MAST4: variants seen among roughly 807,000 people sequenced by gnomAD.
MAST4 encodes the protein microtubule associated serine/threonine kinase family member 4.
MAST4 carries 89 observed loss-of-function variants against 162.7 expected under a neutral mutation model. That is an observed-to-expected ratio of 0.55 (90% CI 0.46 to 0.65). The LOEUF (loss-of-function observed/expected upper bound fraction) is 0.65. MAST4 is among the 30% of genes least tolerant of loss of function. MAST4 has a pLI of 0.00. For synonymous variants in MAST4, 1,479 were observed against 1,361.1 expected (o/e 1.09, Z -1.91); for missense variants, 3,153 against 3,374.0 (o/e 0.93, Z 1.62).
At chr5:67,080,940 T>C (rs1762522059) in intron 5 of MAST4, among the ~76,000 whole-genome samples, 1 of 139,644 alleles carries the variant, frequency 7.2e-6, no homozygotes, top group Admixed American at 7.8e-5. Flanking sequence ...TAATTATATA[T>C]ATTATATAAT....
intron 1 of MAST4, among the ~76,000 whole-genome samples, chr5:66,631,143 G>A (rs1744766168): frequency 6.6e-6 from 1 of 152,112 alleles, no homozygotes; most frequent in South Asian, 2.1e-4. Flanking sequence ...TAGTATTGTG[G>A]GCTAGTTAGA....
At chr5:67,092,877 C>T (rs1261641262) in intron 6 of MAST4, among the ~76,000 whole-genome samples, 1 of 152,144 alleles carries the variant, frequency 6.6e-6, no homozygotes, top group East Asian at 1.9e-4. Context: ...TTTCCTGCTC[C>T]CTTTCTGTTT....
chr5:66,712,202 G>T (rs948014126), intron 1 of MAST4, among the ~76,000 whole-genome samples: 4 of 152,156 alleles, frequency 2.6e-5, no homozygotes, highest in African/African-American at 9.7e-5. Flanking sequence ...CACTTATGTG[G>T]TATGTATATA....
chr5:66,693,278 TAC>T (rs1443782781), intron 1 of MAST4, among the ~76,000 whole-genome samples: 2 of 152,220 alleles, frequency 1.3e-5, no homozygotes, highest in Non-Finnish European at 2.9e-5. Flanking sequence ...CTGTGTTTGA[TAC>T]AGTTTTACAG....
chr5:66,710,662 G>T (rs1750438308), intron 1 of MAST4, among the ~76,000 whole-genome samples: 1 of 152,108 alleles, frequency 6.6e-6, no homozygotes, highest in Admixed American at 6.5e-5. Flanking sequence ...AGCATTGGTT[G>T]GTTGGTTTGC....
intron 1 of MAST4, among the ~76,000 whole-genome samples, chr5:66,647,041 G>T (rs1261277322): frequency 1.3e-5 from 2 of 151,978 alleles, no homozygotes; most frequent in Non-Finnish European, 2.9e-5. Flanking sequence ...ACATCCATTG[G>T]TTTTCCTAGC....
intron 1 of MAST4, among the ~76,000 whole-genome samples, chr5:66,621,073 A>T (rs1266287047): frequency 6.6e-6 from 1 of 152,148 alleles, no homozygotes; most frequent in Non-Finnish European, 1.5e-5. Flanking sequence ...GAAGAGAGAT[A>T]TAAATGAAGA....
At chr5:67,022,680 C>A (rs1024784607) in intron 4 of MAST4, among the ~76,000 whole-genome samples, 1 of 152,100 alleles carries the variant, frequency 6.6e-6, no homozygotes, top group Non-Finnish European at 1.5e-5. Flanking sequence ...GTTTACTTTT[C>A]CCCTTTAACA....
intron 1 of MAST4, among the ~76,000 whole-genome samples, chr5:66,692,701 G>A (rs932817667): frequency 1.5e-4 from 23 of 151,982 alleles, no homozygotes; most frequent in African/African-American, 3.6e-4. Context: ...TTCCCTTACC[G>A]TTCTGCAATC....
At chr5:66,668,770 C>G (rs1312633019) in intron 1 of MAST4, among the ~76,000 whole-genome samples, 1 of 152,144 alleles carries the variant, frequency 6.6e-6, no homozygotes, top group Non-Finnish European at 1.5e-5. Context: ...GAGAACTGTC[C>G]ATGTTTGTGA....
chr5:66,817,236 G>T (rs55929615), intron 3 of MAST4, among the ~76,000 whole-genome samples: 38,179 of 151,982 alleles, frequency 0.25, 5,808 homozygotes, highest in Non-Finnish European at 0.35. Flanking sequence ...TGAATCAAGG[G>T]GATAAAACAA....
chr5:66,617,475 A>T (rs79274750), intron 1 of MAST4, among the ~76,000 whole-genome samples: 17,186 of 141,512 alleles, frequency 0.12, 1,233 homozygotes, highest in Non-Finnish European at 0.16. Flanking sequence ...GAGAAGGGTT[A>T]TTTTTTTTTT....
chr5:66,914,709 G>A (rs1763991665), intron 4 of MAST4, among the ~76,000 whole-genome samples: 1 of 152,146 alleles, frequency 6.6e-6, no homozygotes, highest in Non-Finnish European at 1.5e-5. Flanking sequence ...TTATACACTT[G>A]AACTGATTGC....
At chr5:66,927,627 A>G (rs1483956887) in intron 4 of MAST4, among the ~76,000 whole-genome samples, 1 of 152,182 alleles carries the variant, frequency 6.6e-6, no homozygotes, top group Non-Finnish European at 1.5e-5. Flanking sequence ...GGAGACAGAG[A>G]GTAGGCAGAG....
At chr5:67,051,567 A>G (rs1014828329) in intron 4 of MAST4, among the ~76,000 whole-genome samples, 2 of 152,118 alleles carry the variant, frequency 1.3e-5, no homozygotes, top group African/African-American at 4.8e-5. Context: ...GAGTAATAAG[A>G]TTAGGTGACT....
intron 1 of MAST4, among the ~76,000 whole-genome samples, chr5:66,632,798 A>G (rs565653451): frequency 2.0e-5 from 3 of 152,318 alleles, no homozygotes; most frequent in African/African-American, 7.2e-5. Flanking sequence ...GTTGATAAGT[A>G]TGAAATGAAG....
chr5:67,057,855 A>C (rs1274860575), intron 5 of MAST4, among the ~76,000 whole-genome samples: 3 of 152,116 alleles, frequency 2.0e-5, no homozygotes, highest in Non-Finnish European at 4.4e-5. Context: ...TGAATGCACC[A>C]ATAGAAAAAT....
At chr5:66,597,135 C>A in intron 1 of MAST4, 117 bp downstream of exon 1, 1 of 1,214,994 alleles carries the variant, frequency 8.2e-7, no homozygotes. Flanking sequence ...AGGGAGGGAC[C>A]CCAAGCGCTC....
intron 3 of MAST4, among the ~76,000 whole-genome samples, chr5:66,888,522 A>G (rs1295878910): frequency 3.9e-5 from 6 of 152,220 alleles, no homozygotes; most frequent in African/African-American, 1.2e-4. Flanking sequence ...GTCTCATCCA[A>G]TTCTGTCTCC....
Sources: allele counts gnomAD v4.1 joint callset (sites outside exome capture counted in the v4.1 genomes callset), GRCh38; gene constraint gnomAD v4.1.1; transcripts MANE v1.5; gene names NCBI Gene and HGNC (gene_info 2026-07-23, HGNC 2026-07-21).